The following SPECC1 variants were observed in gnomAD, a reference collection of about 807,000 sequenced individuals.
SPECC1 encodes sperm antigen with calponin homology and coiled-coil domains 1.
SPECC1 carries 62 observed loss-of-function variants against 104.1 expected under a neutral mutation model. That is an observed-to-expected ratio of 0.60 (90% CI 0.49 to 0.74). The LOEUF is 0.74. SPECC1 is among the 30% of genes least tolerant of loss of function. SPECC1 has a pLI of 0.00. For synonymous variants in SPECC1, 513 were observed against 501.6 expected (o/e 1.02, Z -0.30); for missense variants, 1,306 against 1,310.5 (o/e 1.00, Z 0.05).
In SPECC1 at chr17:20,315,159, G is replaced by A. The variant is rs2042024092; in HGVS notation, c.*1094G>A. ...GCAGGCTGAGGGTGTGTGCCTCTGGGGATGCTGGGCTGACAGCAAATCCCA... is the reference window on the plus strand; with the variant it reads ...GCAGGCTGAGGGTGTGTGCCTCTGGAGATGCTGGGCTGACAGCAAATCCCA... On this transcript the variant is annotated 3_prime_UTR_variant, in exon 15 of 15. Transcript: ENST00000395527. The A allele has an allele frequency of 4.3e-6, 1 of 233,010 alleles. No individual in the cohort carries two copies. The highest frequency in any genetic ancestry group is 5.6e-5 in the Admixed American group (1 of 17,764). The allele number at this position is 233,010 out of a possible 1,614,324, so 14.4% of individuals were successfully genotyped here.
intron 1 of SPECC1, chr17:20,096,172 T>C (rs2047634818): frequency 6.6e-6 from 1 of 152,370 alleles, no homozygotes; most frequent in Non-Finnish European, 1.5e-5. Context: ...AAGAAAAAAG[T>C]CATTTTGTGC....
chr17:20,250,912 C>A (rs2039601501), intron 9 of SPECC1, among the ~76,000 whole-genome samples: 1 of 151,936 alleles, frequency 6.6e-6, no homozygotes, highest in Admixed American at 6.6e-5. Context: ...GAGTAATTCA[C>A]CACATTAACA....
At chr17:20,210,803 A>T (rs2037092899) in intron 4 of SPECC1, among the ~76,000 whole-genome samples, 1 of 151,466 alleles carries the variant, frequency 6.6e-6, no homozygotes, top group African/African-American at 2.4e-5. Context: ...CCACACCTCC[A>T]CTTGCAGTCC....
chr17:20,062,841 A>G (rs969231023), intron 1 of SPECC1, among the ~76,000 whole-genome samples: 33 of 151,846 alleles, frequency 2.2e-4, no homozygotes, highest in African/African-American at 7.3e-4. Flanking sequence ...GGTGCACGCT[A>G]CCATCTCGGC....
At chr17:20,239,967 C>T (rs2039124170) in intron 7 of SPECC1, among the ~76,000 whole-genome samples, 1 of 141,306 alleles carries the variant, frequency 7.1e-6, no homozygotes, top group South Asian at 2.3e-4. Context: ...AGTCATGGCT[C>T]ACTGCAGCCT....
Position 20,205,802 on chromosome 17 carries a change from A to G in SPECC1, c.1753A>G (p.Lys585Glu). ...AESCEVQEML[K>E]VARAEKDLLE... ...GAGCTGCGAAGTTCAAGAAATGTTG[A>G]AAGTAGCCCGAGCAGAGAAAGATCT... The change falls in exon 4 of 15, where the codon AAA becomes GAA. Residue 585 changes from lysine to glutamate, a missense_variant. By Grantham distance (56) the Lys-to-Glu change is moderately conservative. Transcript: ENST00000395527. 6.2e-7 allele frequency: 1 copy of G among 1,614,236 alleles called. No individual in the cohort carries two copies. Among genetic ancestry groups the G allele is most frequent in the Non-Finnish European group, 8.5e-7 (1 of 1,180,038 alleles).
At chr17:20,032,117 A>G (rs1219037873) in intron 1 of SPECC1, among the ~76,000 whole-genome samples, 3 of 151,922 alleles carry the variant, frequency 2.0e-5, no homozygotes, top group Non-Finnish European at 2.9e-5. Context: ...AACTGTTTCT[A>G]TTATTGTGGT....
intron 1 of SPECC1, among the ~76,000 whole-genome samples, chr17:20,042,983 G>T (rs1161366195): frequency 6.6e-6 from 1 of 152,164 alleles, no homozygotes; most frequent in African/African-American, 2.4e-5. Context: ...CTCTGTCCCT[G>T]GAGCTCAAGT....
At chr17:20,183,452 A>G (rs540819831) in intron 3 of SPECC1, among the ~76,000 whole-genome samples, 3 of 152,320 alleles carry the variant, frequency 2.0e-5, no homozygotes. Context: ...GCCCGAATCT[A>G]GGAATACTGA....
intron 12 of SPECC1, chr17:20,290,187 A>G (rs978915502): frequency 5.9e-5 from 9 of 151,588 alleles, no homozygotes; most frequent in Non-Finnish European, 1.2e-4. Context: ...TGGTTTTTCA[A>G]CCATGGCTTT....
At chr17:20,065,748 T>G (rs1401624886) in intron 1 of SPECC1, among the ~76,000 whole-genome samples, 1 of 152,186 alleles carries the variant, frequency 6.6e-6, no homozygotes, top group Non-Finnish European at 1.5e-5. Flanking sequence ...TGTGTAACAT[T>G]CCTTCCTTTA....
At chr17:20,017,247 A>G (rs892808174) in intron 1 of SPECC1, 5 of 152,338 alleles carry the variant, frequency 3.3e-5, no homozygotes, top group African/African-American at 4.8e-5. Flanking sequence ...CACTGTCTAT[A>G]TGAGCTGCAA....
intron 2 of SPECC1, among the ~76,000 whole-genome samples, chr17:20,110,018 A>G (rs2048405180): frequency 6.6e-6 from 1 of 151,946 alleles, no homozygotes; most frequent in South Asian, 2.1e-4. Flanking sequence ...AAAAAAAAAT[A>G]TTAGCGAGAC....
At position 20,072,299 on chromosome 17, in the gene SPECC1, T is replaced by C. The variant is rs185476792; in HGVS notation, c.-21-24332T>C. ...GCCAGCCTGAATTCATCCTAGACTT[T>C]CCTAAATCAGTAAAGCCAACAAACT... On this transcript the variant is annotated intron_variant, in intron 1 of 14. Transcript: ENST00000395527. Among the ~76,000 whole-genome samples, 9 of 152,346 alleles carry C rather than the reference T, an allele frequency of 5.9e-5. 1 individual carries two copies. The East Asian group carries it at 1.5e-3, about 26-fold the overall frequency.
At chr17:20,065,573 C>A (rs2152475559) in intron 1 of SPECC1, among the ~76,000 whole-genome samples, 1 of 152,342 alleles carries the variant, frequency 6.6e-6, no homozygotes, top group African/African-American at 2.4e-5. Context: ...CCTCCAGAAA[C>A]TTCCAGGTGT....
intron 1 of SPECC1, among the ~76,000 whole-genome samples, chr17:20,062,110 A>G (rs9889743): frequency 0.52 from 79,322 of 151,590 alleles, 21,242 homozygotes; most frequent in Middle Eastern, 0.62. Context: ...AAAATTAGCC[A>G]GGCATGGCGG....
At chr17:20,025,220 A>G (rs776139855) in intron 1 of SPECC1, among the ~76,000 whole-genome samples, 2 of 152,208 alleles carry the variant, frequency 1.3e-5, no homozygotes, top group Non-Finnish European at 2.9e-5. Context: ...GGCCTGGGAC[A>G]GAGCCTTGCC....
At chr17:20,084,927 GCTGATAAGC>G (rs2152494220) in intron 1 of SPECC1, among the ~76,000 whole-genome samples, 1 of 152,340 alleles carries the variant, frequency 6.6e-6, no homozygotes, top group South Asian at 2.1e-4. Flanking sequence ...TGTAAGGCCT[GCTGATAAGC>G]CTGGGTCCAG....
intron 3 of SPECC1, among the ~76,000 whole-genome samples, chr17:20,190,430 G>T (rs1258119676): frequency 2.0e-5 from 3 of 151,710 alleles, no homozygotes; most frequent in Non-Finnish European, 2.9e-5. Context: ...CCCATTTCTT[G>T]TCCCTCTTCT....
Sources: allele counts gnomAD v4.1 joint callset (sites outside exome capture counted in the v4.1 genomes callset), GRCh38; gene constraint gnomAD v4.1.1; transcripts MANE v1.5; gene names NCBI Gene and HGNC (gene_info 2026-07-23, HGNC 2026-07-21).